Variants in GRM5 observed in about 807,000 individuals in gnomAD.
The protein encoded by GRM5 is metabotropic glutamate receptor 5.
In GRM5, 19 loss-of-function variants were observed where a neutral mutation model predicts 83.1. The ratio of observed to expected loss-of-function variants is 0.23; its 90% CI spans 0.16 to 0.34. The LOEUF (loss-of-function observed/expected upper bound fraction) is 0.34, where lower values mean the gene tolerates loss of function less well. Among genes scored for constraint, GRM5 ranks in the 10% least tolerant of loss-of-function variants. GRM5 has a pLI of 1.00. For synonymous variants in GRM5, 675 were observed against 633.6 expected (o/e 1.07, Z -0.98); for missense variants, 1,160 against 1,588.3 (o/e 0.73, Z 4.58).
chr11:88,859,072 T>C (rs570990484), intron 2 of GRM5, among the ~76,000 whole-genome samples: 1 of 152,180 alleles, frequency 6.6e-6, no homozygotes, highest in African/African-American at 2.4e-5. Context: ...AAACTGTTTT[T>C]ACACTCTTTT....
chr11:88,846,468 T>C (rs1326645556), intron 3 of GRM5, among the ~76,000 whole-genome samples: 2 of 152,062 alleles, frequency 1.3e-5, no homozygotes, highest in Non-Finnish European at 2.9e-5. Context: ...AGTGGTGAGG[T>C]GTGTATCATT....
intron 9 of GRM5, chr11:88,511,846 C>G (rs1464456944): frequency 6.6e-6 from 1 of 152,196 alleles, no homozygotes; most frequent in Non-Finnish European, 1.5e-5. Context: ...ACCCTTTCTC[C>G]TATCAGAAGG....
chr11:88,991,111 A>T (rs11021694), intron 2 of GRM5, among the ~76,000 whole-genome samples: 3,937 of 152,184 alleles, frequency 0.026, 93 homozygotes, highest in East Asian at 0.1. Context: ...TATCTAGACA[A>T]CCCCATTGTC....
At chr11:89,035,165 T>C (rs879725115) in intron 2 of GRM5, among the ~76,000 whole-genome samples, 1 of 151,796 alleles carries the variant, frequency 6.6e-6, no homozygotes, top group Non-Finnish European at 1.5e-5. Flanking sequence ...TGTCTTCATG[T>C]ATTTCCTGTT....
intron 3 of GRM5, among the ~76,000 whole-genome samples, chr11:88,717,881 G>A (rs1941435762): frequency 6.6e-6 from 1 of 151,560 alleles, no homozygotes; most frequent in African/African-American, 2.4e-5. Flanking sequence ...ATAGTTAGAA[G>A]GATAATTACG....
rs138003931 is a variant in GRM5 at position 88,767,477 on chromosome 11, T to C, written c.911+82429A>G. 1.4e-3 allele frequency among the ~76,000 whole-genome samples: 213 copies of C among 152,166 alleles called. 1 individual carries two copies. The highest frequency in any genetic ancestry group is 4.6e-3 in the South Asian group (22 of 4,832). On this transcript the variant is annotated intron_variant, in intron 3 of 9. Transcript: ENST00000305447. ...AAGAAAATGTGGTACATGTACACCA[T>C]GGAATACTATGCAGCCATACAAAAG... is the stretch of plus-strand genomic sequence containing the variant.
At chr11:88,729,415 G>T (rs1165788961) in intron 3 of GRM5, among the ~76,000 whole-genome samples, 1 of 152,024 alleles carries the variant, frequency 6.6e-6, no homozygotes, top group Non-Finnish European at 1.5e-5. Context: ...CATGCTAATG[G>T]ATAGGAAGAA....
chr11:88,946,633 G>A (rs756883662), intron 2 of GRM5, among the ~76,000 whole-genome samples: 5 of 152,162 alleles, frequency 3.3e-5, no homozygotes, highest in East Asian at 1.9e-4. Flanking sequence ...CTGACATAAC[G>A]ATGGCGATAA....
chr11:88,715,874 G>A (rs1034960138), intron 3 of GRM5, among the ~76,000 whole-genome samples: 5 of 151,956 alleles, frequency 3.3e-5, no homozygotes, highest in Admixed American at 3.3e-4. Context: ...GGTGTTTGCT[G>A]AAAGAACCGA....
At chr11:88,679,305 T>G (rs937159691) in intron 3 of GRM5, among the ~76,000 whole-genome samples, 5 of 152,016 alleles carry the variant, frequency 3.3e-5, no homozygotes, top group Non-Finnish European at 7.4e-5. Context: ...CTAAATTTCT[T>G]GCTTAAACAA....
chr11:89,056,761 G>T (rs940511944), intron 1 of GRM5, among the ~76,000 whole-genome samples: 1 of 152,094 alleles, frequency 6.6e-6, no homozygotes, highest in Non-Finnish European at 1.5e-5. Flanking sequence ...TCACTAAAAA[G>T]TGGGTAAATG....
At chr11:88,873,680 C>T (rs1291910757) in intron 2 of GRM5, among the ~76,000 whole-genome samples, 1 of 151,238 alleles carries the variant, frequency 6.6e-6, no homozygotes, top group Non-Finnish European at 1.5e-5. Flanking sequence ...AATGGAAACC[C>T]AACATACCAA....
At chr11:88,736,243 C>T (rs2126740) in intron 3 of GRM5, among the ~76,000 whole-genome samples, 3,945 of 152,122 alleles carry the variant, frequency 0.026, 205 homozygotes, top group Admixed American at 0.14. Flanking sequence ...TTGAAAGTAA[C>T]GGATGCCTAA....
chr11:88,745,012 A>G lies in GRM5; in HGVS notation c.912-91609T>C, dbSNP rs1942103874. Among the ~76,000 whole-genome samples the G allele has an allele frequency of 2.6e-5, 4 of 152,160 alleles. No homozygotes were observed. In the South Asian group the frequency reaches 8.3e-4, roughly 32 times the overall value. On this transcript the variant is annotated intron_variant, in intron 3 of 9. Coordinates refer to ENST00000305447, the MANE Select transcript of GRM5 (RefSeq NM_001143831.3). ...TGTATACTAGACTATTTTAATTGATACTCAATTATAATTGTTATATTTTAC... is the reference window on the plus strand; with the variant it reads ...TGTATACTAGACTATTTTAATTGATGCTCAATTATAATTGTTATATTTTAC...
At chr11:88,882,692 A>G (rs1228049899) in intron 2 of GRM5, among the ~76,000 whole-genome samples, 3 of 152,150 alleles carry the variant, frequency 2.0e-5, no homozygotes, top group African/African-American at 4.8e-5. Context: ...AATTTCAATA[A>G]TTTCATTGAA....
chr11:88,617,876 G>A (rs1444464170), intron 4 of GRM5, among the ~76,000 whole-genome samples: 1 of 152,210 alleles, frequency 6.6e-6, no homozygotes, highest in Non-Finnish European at 1.5e-5. Flanking sequence ...AGGTGGGTGG[G>A]AGAGGCTGGA....
At position 89,038,149 on chromosome 11, in the gene GRM5, CATTGT is replaced by C. The variant is rs149563979; in HGVS notation, c.661+9058_661+9062del. Among the ~76,000 whole-genome samples, 493 of 121,602 alleles carry C rather than the reference CATTGT, an allele frequency of 4.1e-3. 1 individual carries two copies. The highest frequency in any genetic ancestry group is 0.017 in the African/African-American group (455 of 26,338). 79.8% of individuals were successfully genotyped at this position (121,602 alleles called of 152,430 possible). On this transcript the variant is annotated intron_variant, in intron 2 of 9. Coordinates refer to ENST00000305447, the MANE Select transcript of GRM5 (RefSeq NM_001143831.3). Reference sequence around the variant, plus strand: ...TAGATAATCTCTTTCTTTAGAATCTCATTGTGTGTGTGTGTGTGTGTGTGTGTGTG... The same window carrying C: ...TAGATAATCTCTTTCTTTAGAATCTCGTGTGTGTGTGTGTGTGTGTGTGTG...
intron 2 of GRM5, among the ~76,000 whole-genome samples, chr11:88,913,595 T>A (rs1945539710): frequency 6.7e-6 from 1 of 149,760 alleles, no homozygotes; most frequent in Non-Finnish European, 1.5e-5. Flanking sequence ...CTCTTTTTTT[T>A]TTTTTTTTTT....
intron 4 of GRM5, among the ~76,000 whole-genome samples, chr11:88,606,208 G>A (rs1370725132): frequency 6.6e-6 from 1 of 152,238 alleles, no homozygotes; most frequent in Non-Finnish European, 1.5e-5. Context: ...GGAAGGCAGA[G>A]ATGCTTAAGC....
Sources: allele counts gnomAD v4.1 joint callset (sites outside exome capture counted in the v4.1 genomes callset), GRCh38; gene constraint gnomAD v4.1.1; transcripts MANE v1.5; gene names NCBI Gene and HGNC (gene_info 2026-07-23, HGNC 2026-07-21).